Variants in NR3C2 observed in about 807,000 individuals in gnomAD.
The protein encoded by NR3C2 is mineralocorticoid receptor.
A neutral mutation model predicts 86.4 loss-of-function variants in NR3C2; 15 were observed. That is an observed-to-expected ratio of 0.17 (90% CI 0.12 to 0.27). The LOEUF is 0.27. Among genes scored for constraint, NR3C2 ranks in the 10% least tolerant of loss-of-function variants. The pLI is 1.00. For missense variants in NR3C2, 960 were observed against 1,195.6 expected (o/e 0.80, Z 2.91); for synonymous variants, 458 against 450.5 (o/e 1.02, Z -0.21).
intron 2 of NR3C2, among the ~76,000 whole-genome samples, chr4:148,403,261 A>C (rs1412283774): frequency 6.6e-6 from 1 of 152,044 alleles, no homozygotes; most frequent in African/African-American, 2.4e-5. Context: ...CCAAACACAT[A>C]TTGGATGCTG....
intron 2 of NR3C2, among the ~76,000 whole-genome samples, chr4:148,292,980 G>A (rs1156899023): frequency 6.6e-6 from 1 of 152,074 alleles, no homozygotes; most frequent in African/African-American, 2.4e-5. Flanking sequence ...TTGAGTAATA[G>A]CTGCACAGAA....
At position 148,193,710 on chromosome 4, in the gene NR3C2, T is replaced by C. The variant is rs138826050; in HGVS notation, c.2014+1036A>G. ...GGTTGAATCTGCAATATGAAACCCA[T>C]AGATAGTGGGATTTGGAAAGGTCTT... On this transcript the variant is annotated intron_variant, in intron 4 of 8. Coordinates refer to ENST00000358102, the MANE Select transcript of NR3C2 (RefSeq NM_000901.5). Among the ~76,000 whole-genome samples the C allele has an allele frequency of 7.3e-3, 1,110 of 152,368 alleles. 4 individuals are homozygous for C. The highest frequency in any genetic ancestry group is 0.012 in the Non-Finnish European group (825 of 68,028).
At chr4:148,190,672 T>A (rs962573336) in intron 4 of NR3C2, among the ~76,000 whole-genome samples, 1 of 152,236 alleles carries the variant, frequency 6.6e-6, no homozygotes, top group Non-Finnish European at 1.5e-5. Context: ...GTTTATCTCA[T>A]TTCTTAGGTC....
At chr4:148,121,908 G>A (rs1206623581) in intron 6 of NR3C2, among the ~76,000 whole-genome samples, 1 of 152,010 alleles carries the variant, frequency 6.6e-6, no homozygotes, top group African/African-American at 2.4e-5. Context: ...GCTCTTTATT[G>A]CTATCACAAA....
At chr4:148,292,498 T>C (rs1010051998) in intron 2 of NR3C2, among the ~76,000 whole-genome samples, 3 of 152,134 alleles carry the variant, frequency 2.0e-5, no homozygotes, top group African/African-American at 7.2e-5. Context: ...AAAATTCTAA[T>C]ATTTTATACA....
intron 2 of NR3C2, among the ~76,000 whole-genome samples, chr4:148,345,204 G>T (rs1179257129): frequency 6.6e-6 from 1 of 151,998 alleles, no homozygotes; most frequent in Non-Finnish European, 1.5e-5. Flanking sequence ...GTAGAAATGT[G>T]TAACAAATGA....
intron 2 of NR3C2, among the ~76,000 whole-genome samples, chr4:148,301,691 T>C (rs373598371): frequency 2.0e-5 from 3 of 152,244 alleles, no homozygotes; most frequent in East Asian, 1.9e-4. Context: ...AAATAACTTA[T>C]GGTAATCTGG....
intron 2 of NR3C2, 117 bp downstream of exon 2, chr4:148,434,987 G>A (rs1749965684): frequency 7.0e-6 from 7 of 994,376 alleles, no homozygotes; most frequent in South Asian, 4.1e-5. Flanking sequence ...AGCAACATAT[G>A]ACCATCCTTA....
At chr4:148,433,342 G>C (rs879266298) in intron 2 of NR3C2, among the ~76,000 whole-genome samples, 1 of 152,100 alleles carries the variant, frequency 6.6e-6, no homozygotes, top group African/African-American at 2.4e-5. Context: ...CAAAGGTATA[G>C]TGCATAATCA....
intron 2 of NR3C2, among the ~76,000 whole-genome samples, chr4:148,382,895 T>C (rs956135098): frequency 4.6e-5 from 7 of 152,112 alleles, no homozygotes; most frequent in African/African-American, 1.4e-4. Flanking sequence ...AATGGTACTA[T>C]CCCTTCTCTG....
intron 8 of NR3C2, among the ~76,000 whole-genome samples, chr4:148,091,292 C>T (rs1410581627): frequency 1.3e-5 from 2 of 152,238 alleles, no homozygotes; most frequent in African/African-American, 2.4e-5. Flanking sequence ...TCCTGGGCTC[C>T]GTGTGCTCAC....
intron 3 of NR3C2, among the ~76,000 whole-genome samples, chr4:148,216,275 G>T (rs1737532731): frequency 6.6e-6 from 1 of 152,116 alleles, no homozygotes; most frequent in South Asian, 2.1e-4. Flanking sequence ...CAGGGGGCCA[G>T]ATCTGGTCCC....
At chr4:148,290,417 A>C (rs1012951933) in intron 2 of NR3C2, among the ~76,000 whole-genome samples, 4 of 152,184 alleles carry the variant, frequency 2.6e-5, no homozygotes, top group African/African-American at 9.7e-5. Flanking sequence ...CAAAGGACCC[A>C]ACTAATTTGT....
chr4:148,264,881 T>G (rs1366198953), intron 2 of NR3C2, among the ~76,000 whole-genome samples: 2 of 152,192 alleles, frequency 1.3e-5, no homozygotes, highest in East Asian at 1.9e-4. Context: ...ATATAACACT[T>G]AAAATCTTTT....
intron 2 of NR3C2, among the ~76,000 whole-genome samples, chr4:148,406,112 G>C (rs553373712): frequency 6.6e-6 from 1 of 152,176 alleles, no homozygotes; most frequent in African/African-American, 2.4e-5. Context: ...GCTGTAGTGA[G>C]TTGTGGTCAC....
In NR3C2 at chr4:148,121,684, A is replaced by C. The variant is rs189517734; in HGVS notation, c.2511-1396T>G. Among the ~76,000 whole-genome samples the C allele has an allele frequency of 3.9e-5, 6 of 152,352 alleles. No individual in the cohort carries two copies. In the East Asian group the frequency reaches 9.6e-4, roughly 24 times the overall value. On this transcript the variant is annotated intron_variant, in intron 6 of 8. Transcript: ENST00000358102. ...TTCACTACACATGTATGTATCTACAAAAACAGCATACAGTACTGCTTTGTT... is the reference window on the plus strand; with the variant it reads ...TTCACTACACATGTATGTATCTACACAAACAGCATACAGTACTGCTTTGTT...
At chr4:148,336,878 A>C (rs1439568989) in intron 2 of NR3C2, among the ~76,000 whole-genome samples, 1 of 152,074 alleles carries the variant, frequency 6.6e-6, no homozygotes, top group African/African-American at 2.4e-5. Context: ...TGTAGCCTCC[A>C]ACTCCCAGGC....
intron 2 of NR3C2, among the ~76,000 whole-genome samples, chr4:148,429,279 C>G (rs890892719): frequency 5.3e-5 from 8 of 152,148 alleles, no homozygotes; most frequent in African/African-American, 1.9e-4. Flanking sequence ...ATATTTATCT[C>G]AAAAACTCCT....
At chr4:148,198,727 T>TA (rs1005146123) in intron 3 of NR3C2, among the ~76,000 whole-genome samples, 1 of 149,764 alleles carries the variant, frequency 6.7e-6, no homozygotes, top group African/African-American at 2.5e-5. Flanking sequence ...AAGAAAAAAC[T>TA]AAAAAAAATT....
Sources: allele counts gnomAD v4.1 joint callset (sites outside exome capture counted in the v4.1 genomes callset), GRCh38; gene constraint gnomAD v4.1.1; transcripts MANE v1.5; gene names NCBI Gene and HGNC (gene_info 2026-07-23, HGNC 2026-07-21).